The following XNDC1N variants were observed in gnomAD, a reference collection of about 807,000 sequenced individuals.
The protein encoded by XNDC1N is XRCC1 N-terminal domain containing 1, N-terminal like.
the XNDC1N span, among the ~76,000 whole-genome samples, chr11:71,871,243 G>T: frequency 3.9e-5 from 6 of 152,274 alleles, no homozygotes; most frequent in African/African-American, 1.4e-4. Context: ...AGATGGAATT[G>T]GAGAACATTA....
chr11:71,928,533 G>C, the XNDC1N span: 1 of 702,560 alleles, frequency 1.4e-6, no homozygotes. Flanking sequence ...TGCTGTTTTT[G>C]AAAATGAGTC....
At chr11:71,880,316 T>C in the XNDC1N span, among the ~76,000 whole-genome samples, 4 of 152,328 alleles carry the variant, frequency 2.6e-5, no homozygotes, top group African/African-American at 9.6e-5. Flanking sequence ...TGGTTGTTTA[T>C]AACAGACTCT....
chr11:71,914,871 A>G, the XNDC1N span, among the ~76,000 whole-genome samples: 1 of 152,184 alleles, frequency 6.6e-6, no homozygotes, highest in African/African-American at 2.4e-5. Flanking sequence ...CATTATTGAA[A>G]TGATAAAGAT....
the XNDC1N span, among the ~76,000 whole-genome samples, chr11:71,887,030 C>T: frequency 0.09 from 13,673 of 151,872 alleles, 1,092 homozygotes; most frequent in African/African-American, 0.19. Context: ...CAGGAGGCCC[C>T]GGACAAGGAG....
At chr11:71,897,957 CG>C in the XNDC1N span, among the ~76,000 whole-genome samples, 1 of 151,322 alleles carries the variant, frequency 6.6e-6, no homozygotes, top group African/African-American at 2.4e-5. Flanking sequence ...CCGAGGTGGG[CG>C]GATCACCTGA....
At chr11:71,869,946 G>C in the XNDC1N span, among the ~76,000 whole-genome samples, 2 of 152,298 alleles carry the variant, frequency 1.3e-5, no homozygotes, top group South Asian at 4.2e-4. Context: ...CAGAGACTGG[G>C]TAATTTATAA....
chr11:71,891,574 A>C, the XNDC1N span, among the ~76,000 whole-genome samples: 1 of 152,198 alleles, frequency 6.6e-6, no homozygotes, highest in Admixed American at 6.5e-5. Context: ...GAAAGATACC[A>C]CACCGCGGGT....
chr11:71,900,978 G>A, the XNDC1N span, among the ~76,000 whole-genome samples: 8 of 149,240 alleles, frequency 5.4e-5, no homozygotes, highest in South Asian at 2.1e-4. Context: ...TCAAATCCTC[G>A]TCACTCAGGC....
the XNDC1N span, chr11:71,893,595 C>G: frequency 1.9e-6 from 2 of 1,046,930 alleles, no homozygotes; most frequent in South Asian, 2.5e-5. Context: ...TGCTGAGGAA[C>G]CTGCTCAACA....
the XNDC1N span, among the ~76,000 whole-genome samples, chr11:71,921,577 T>C: frequency 6.6e-6 from 1 of 152,184 alleles, no homozygotes; most frequent in Non-Finnish European, 1.5e-5. Context: ...GTAATCTAAA[T>C]GTCTTCATCC....
the XNDC1N span, among the ~76,000 whole-genome samples, chr11:71,901,287 G>A: frequency 2.0e-5 from 3 of 152,142 alleles, no homozygotes; most frequent in East Asian, 1.9e-4. Flanking sequence ...CTGTGGTTAC[G>A]ACCTCTGAGC....
chr11:71,895,355 G>A, the XNDC1N span, among the ~76,000 whole-genome samples: 5 of 151,758 alleles, frequency 3.3e-5, no homozygotes, highest in East Asian at 7.7e-4. Context: ...TGTTGCCCAG[G>A]CTGGAGTTCA....
At chr11:71,896,411 T>C in the XNDC1N span, among the ~76,000 whole-genome samples, 1 of 152,350 alleles carries the variant, frequency 6.6e-6, no homozygotes, top group African/African-American at 2.4e-5. Flanking sequence ...AAAGATGGAA[T>C]AAGTGAGTTC....
the XNDC1N span, among the ~76,000 whole-genome samples, chr11:71,900,339 G>T: frequency 6.6e-6 from 1 of 151,990 alleles, no homozygotes; most frequent in Non-Finnish European, 1.5e-5. Flanking sequence ...CATCCCACCC[G>T]ACTAGACATA....
chr11:71,891,257 G>T, the XNDC1N span, among the ~76,000 whole-genome samples: 1 of 151,574 alleles, frequency 6.6e-6, no homozygotes, highest in African/African-American at 2.4e-5. Flanking sequence ...TCTCCCTGTG[G>T]ATATTAGGAA....
At chr11:71,882,310 C>A in the XNDC1N span, among the ~76,000 whole-genome samples, 1 of 151,878 alleles carries the variant, frequency 6.6e-6, no homozygotes, top group African/African-American at 2.4e-5. Flanking sequence ...GGCTGGAGTG[C>A]AGTGGCAGTG....
chr11:71,886,677 G>T, the XNDC1N span, among the ~76,000 whole-genome samples: 1 of 151,842 alleles, frequency 6.6e-6, no homozygotes, highest in East Asian at 1.9e-4. Flanking sequence ...CCGTCAAAGC[G>T]CAGAAGACAT....
the XNDC1N span, chr11:71,878,609 T>C: frequency 2.4e-6 from 3 of 1,250,928 alleles, no homozygotes; most frequent in Non-Finnish European, 2.2e-6. Flanking sequence ...CATGGGCAGA[T>C]TTTACTGTAC....
the XNDC1N span, among the ~76,000 whole-genome samples, chr11:71,899,742 A>G: frequency 6.6e-6 from 1 of 152,184 alleles, no homozygotes; most frequent in African/African-American, 2.4e-5. Flanking sequence ...CCCATGTGAT[A>G]GTCTGAAAAG....
Sources: allele counts gnomAD v4.1 joint callset (sites outside exome capture counted in the v4.1 genomes callset), GRCh38; gene constraint gnomAD v4.1.1; transcripts MANE v1.5; gene names NCBI Gene and HGNC (gene_info 2026-07-23, HGNC 2026-07-21).